CSMD1: variants seen among roughly 807,000 people sequenced by gnomAD.
The protein encoded by CSMD1 is CUB and Sushi multiple domains 1.
CSMD1 carries 213 observed loss-of-function variants against 417.5 expected under a neutral mutation model. The ratio of observed to expected loss-of-function variants is 0.51; its 90% CI spans 0.46 to 0.57. The LOEUF (loss-of-function observed/expected upper bound fraction) is 0.57. CSMD1 is among the 20% of genes least tolerant of loss of function. CSMD1 has a pLI of 0.00. For synonymous variants in CSMD1, 2,862 were observed against 1,736.8 expected, an observed-to-expected ratio of 1.65 and a Z score of -16.11; for missense variants, 6,923 against 4,529.7, an observed-to-expected ratio of 1.53 and a Z score of -15.17.
At chr8:3,616,375 G>C (rs1289496973) in intron 8 of CSMD1, among the ~76,000 whole-genome samples, 2 of 152,094 alleles carry the variant, frequency 1.3e-5, no homozygotes, top group Non-Finnish European at 2.9e-5. Context: ...AGAAGGATGT[G>C]TTTGCTTCCC....
At chr8:3,816,043 G>T (rs1367915850) in intron 5 of CSMD1, among the ~76,000 whole-genome samples, 1 of 152,132 alleles carries the variant, frequency 6.6e-6, no homozygotes, top group Non-Finnish European at 1.5e-5. Context: ...TTAGGTCCCC[G>T]TGGGTTGGTT....
At chr8:4,774,678 A>G (rs1236125744) in intron 1 of CSMD1, among the ~76,000 whole-genome samples, 1 of 152,134 alleles carries the variant, frequency 6.6e-6, no homozygotes, top group Non-Finnish European at 1.5e-5. Flanking sequence ...AGATGGCAGA[A>G]GTATTGGCTC....
At chr8:3,326,305 A>T (rs1806526906) in intron 23 of CSMD1, among the ~76,000 whole-genome samples, 1 of 152,330 alleles carries the variant, frequency 6.6e-6, no homozygotes, top group South Asian at 2.1e-4. Context: ...TACATCAATT[A>T]AGCATCATCT....
At chr8:4,211,650 G>A (rs569437095) in intron 3 of CSMD1, among the ~76,000 whole-genome samples, 18 of 152,316 alleles carry the variant, frequency 1.2e-4, no homozygotes, top group African/African-American at 3.8e-4. Flanking sequence ...ACTAAAATCT[G>A]TAAATATGGC....
intron 37 of CSMD1, among the ~76,000 whole-genome samples, chr8:3,174,751 G>A (rs1004559069): frequency 6.6e-6 from 1 of 152,030 alleles, no homozygotes; most frequent in Non-Finnish European, 1.5e-5. Context: ...CTAGGTGGCT[G>A]ATATATTTAT....
At chr8:4,651,422 C>A (rs183768012) in intron 1 of CSMD1, among the ~76,000 whole-genome samples, 236 of 152,224 alleles carry the variant, frequency 1.6e-3, no homozygotes, top group Non-Finnish European at 2.2e-3. Flanking sequence ...CAGCTGGCAT[C>A]ATTTCTAATT....
At chr8:4,960,325 T>C (rs1237243817) in intron 1 of CSMD1, among the ~76,000 whole-genome samples, 2 of 152,214 alleles carry the variant, frequency 1.3e-5, no homozygotes, top group African/African-American at 4.8e-5. Flanking sequence ...GTGTGTTTAA[T>C]GTTCTGACAT....
At chr8:3,141,612 A>G (rs1249031207) in intron 41 of CSMD1, among the ~76,000 whole-genome samples, 1 of 152,122 alleles carries the variant, frequency 6.6e-6, no homozygotes, top group Non-Finnish European at 1.5e-5. Flanking sequence ...TGCTTGAGAT[A>G]TGTTGCAGAC....
At chr8:3,397,324 G>A (rs867104767) in intron 16 of CSMD1, among the ~76,000 whole-genome samples, 5 of 152,146 alleles carry the variant, frequency 3.3e-5, no homozygotes, top group South Asian at 2.1e-4. Context: ...AGAAAACTTG[G>A]GAGAGGGGAA....
intron 3 of CSMD1, among the ~76,000 whole-genome samples, chr8:4,226,089 C>CAG (rs1801338517): frequency 6.6e-6 from 1 of 151,414 alleles, no homozygotes; most frequent in Non-Finnish European, 1.5e-5. Flanking sequence ...CACACACACA[C>CAG]ACACACACAC....
In CSMD1 at chr8:2,937,717, C is replaced by G. The variant is rs1375386913; in HGVS notation, c.*868G>C. ...AACACGTAAATGGAGCTAATTGAAG[C>G]AATAATAAAATAAATCTCTTCAATA... On this transcript the variant is annotated 3_prime_UTR_variant, in exon 70 of 70. Transcript: ENST00000635120. The G allele has an allele frequency of 1.3e-5, 2 of 152,314 alleles. No homozygotes were observed. Among genetic ancestry groups the G allele is most frequent in the Non-Finnish European group, 2.9e-5 (2 of 68,002 alleles). 9.4% of individuals were successfully genotyped at this position (152,314 alleles called of 1,614,324 possible).
At chr8:3,644,871 G>C (rs752980827) in intron 7 of CSMD1, among the ~76,000 whole-genome samples, 1 of 149,350 alleles carries the variant, frequency 6.7e-6, no homozygotes, top group Admixed American at 6.7e-5. Context: ...TTGCTGTTGG[G>C]TGCATCTGCC....
intron 1 of CSMD1, among the ~76,000 whole-genome samples, chr8:4,650,122 G>A (rs192530898): frequency 1.2e-4 from 19 of 152,190 alleles, no homozygotes; most frequent in Admixed American, 1.1e-3. Context: ...GAGGCGGGCG[G>A]ATCACGAGGT....
chr8:4,276,662 C>G (rs1479123219), intron 3 of CSMD1, among the ~76,000 whole-genome samples: 1 of 152,106 alleles, frequency 6.6e-6, no homozygotes, highest in African/African-American at 2.4e-5. Context: ...TCTTATTTTC[C>G]TTCTGGTCAT....
intron 5 of CSMD1, among the ~76,000 whole-genome samples, chr8:3,910,019 A>C (rs1396117314): frequency 6.6e-6 from 1 of 152,120 alleles, no homozygotes; most frequent in African/African-American, 2.4e-5. Flanking sequence ...AATAAAGGTA[A>C]ATAATTCTTT....
chr8:4,169,050 C>G (rs1270235323), intron 3 of CSMD1, among the ~76,000 whole-genome samples: 1 of 152,156 alleles, frequency 6.6e-6, no homozygotes, highest in South Asian at 2.1e-4. Flanking sequence ...TCTTTTCTTT[C>G]TGACCTCTGG....
At chr8:3,955,247 A>C (rs1811862694) in intron 5 of CSMD1, among the ~76,000 whole-genome samples, 1 of 152,024 alleles carries the variant, frequency 6.6e-6, no homozygotes, top group African/African-American at 2.4e-5. Context: ...CACAGATCCC[A>C]CCGGCAATGC....
At chr8:3,789,672 T>C (rs891999336) in intron 5 of CSMD1, among the ~76,000 whole-genome samples, 3 of 151,670 alleles carry the variant, frequency 2.0e-5, no homozygotes, top group African/African-American at 2.4e-5. Flanking sequence ...TAATGAGACA[T>C]GTATGACCTT....
chr8:4,650,026 G>C (rs923867901), intron 1 of CSMD1, among the ~76,000 whole-genome samples: 2 of 152,154 alleles, frequency 1.3e-5, no homozygotes, highest in African/African-American at 4.8e-5. Flanking sequence ...AATTTATCAT[G>C]TCTGGGATGA....
Sources: allele counts gnomAD v4.1 joint callset (sites outside exome capture counted in the v4.1 genomes callset), GRCh38; gene constraint gnomAD v4.1.1; transcripts MANE v1.5; gene names NCBI Gene and HGNC (gene_info 2026-07-23, HGNC 2026-07-21).